The following SMARCC1 variants were observed in gnomAD, a reference collection of about 807,000 sequenced individuals.
The protein encoded by SMARCC1 is SWI/SNF complex subunit SMARCC1.
SMARCC1 carries 43 observed loss-of-function variants against 147.4 expected under a neutral mutation model. The ratio of observed to expected loss-of-function variants is 0.29; its 90% CI spans 0.23 to 0.38. SMARCC1 has a LOEUF of 0.38. SMARCC1 is among the 10% of genes least tolerant of loss of function. SMARCC1 has a pLI of 1.00. For missense variants in SMARCC1, 1,119 were observed against 1,381.1 expected, an observed-to-expected ratio of 0.81 and a Z score of 3.01; for synonymous variants, 495 against 484.4, an observed-to-expected ratio of 1.02 and a Z score of -0.29.
chr3:47,744,172 T>C (rs1309407742), intron 3 of SMARCC1, among the ~76,000 whole-genome samples: 1 of 152,124 alleles, frequency 6.6e-6, no homozygotes. Flanking sequence ...ATCTTTTTTT[T>C]TGGAGACAGC....
At chr3:47,593,235 G>A (rs1195333708) in intron 26 of SMARCC1, among the ~76,000 whole-genome samples, 2 of 150,518 alleles carry the variant, frequency 1.3e-5, no homozygotes, top group East Asian at 1.9e-4. Context: ...GCTGTGTCGC[G>A]ATCCTGGCTC....
intron 21 of SMARCC1, among the ~76,000 whole-genome samples, chr3:47,653,277 T>C (rs2033217541): frequency 6.6e-6 from 1 of 152,106 alleles, no homozygotes; most frequent in Non-Finnish European, 1.5e-5. Flanking sequence ...CATTTCACCA[T>C]ATACATCATA....
At chr3:47,628,793 T>C (rs1426844731) in intron 24 of SMARCC1, among the ~76,000 whole-genome samples, 2 of 152,200 alleles carry the variant, frequency 1.3e-5, no homozygotes, top group Non-Finnish European at 2.9e-5. Flanking sequence ...CTTGAACTCC[T>C]GACCTCCCTC....
At chr3:47,641,800 A>AAT (rs2033051015) in intron 21 of SMARCC1, among the ~76,000 whole-genome samples, 1 of 152,204 alleles carries the variant, frequency 6.6e-6, no homozygotes, top group Non-Finnish European at 1.5e-5. Context: ...TTTAAGAGAA[A>AAT]TGGTCTCTGT....
At chr3:47,626,169 C>A (rs1358840124) in intron 24 of SMARCC1, among the ~76,000 whole-genome samples, 1 of 150,264 alleles carries the variant, frequency 6.7e-6, no homozygotes, top group Non-Finnish European at 1.5e-5. Context: ...TTTTTTGAGA[C>A]AGAGTCTAGC....
At chr3:47,600,561 C>G (rs1034763479) in intron 26 of SMARCC1, among the ~76,000 whole-genome samples, 6 of 152,128 alleles carry the variant, frequency 3.9e-5, no homozygotes, top group Non-Finnish European at 7.4e-5. Context: ...TCACAATGAA[C>G]AAGAGACTGA....
chr3:47,605,264 A>T (rs2032452991), intron 26 of SMARCC1, among the ~76,000 whole-genome samples: 1 of 152,232 alleles, frequency 6.6e-6, no homozygotes, highest in African/African-American at 2.4e-5. Flanking sequence ...TACAACAGAA[A>T]TGTACATATA....
intron 10 of SMARCC1, chr3:47,701,710 A>C: frequency 3.4e-6 from 1 of 291,584 alleles, no homozygotes; most frequent in Non-Finnish European, 6.4e-6. Flanking sequence ...TCTGCTCAGC[A>C]GACTGAGGTA....
Position 47,641,889 on chromosome 3 carries a change from A to G in SMARCC1, c.2321-3109T>C, listed in dbSNP as rs539131189. 2.7e-3 allele frequency among the ~76,000 whole-genome samples: 414 copies of G among 152,312 alleles called. 1 individual carries two copies. The highest frequency in any genetic ancestry group is 3.7e-3 in the Non-Finnish European group (254 of 68,022). On this transcript the variant is annotated intron_variant, in intron 21 of 27. Coordinates refer to ENST00000254480, the MANE Select transcript of SMARCC1 (RefSeq NM_003074.4). ...TGGGCTCAACTGATCCACCCGCCTC[A>G]GCCTCTTGAGTAGCTGGGATTACAG...
rs577590836 is a variant in SMARCC1 at position 47,659,985 on chromosome 3, A to T, written c.2320+1309T>A. Among the ~76,000 whole-genome samples the T allele has an allele frequency of 3.3e-5, 5 of 152,324 alleles. No homozygotes were observed. The East Asian group carries it at 9.6e-4, about 29-fold the overall frequency. On this transcript the variant is annotated intron_variant, in intron 21 of 27. Coordinates refer to ENST00000254480, the MANE Select transcript of SMARCC1 (RefSeq NM_003074.4). ...GGTAAGAACATAAAATGGTATAGCC[A>T]CTATGAAAAACAGGCTGGCAGTTTC...
intron 1 of SMARCC1, among the ~76,000 whole-genome samples, chr3:47,776,491 C>T (rs1265705342): frequency 6.6e-6 from 1 of 152,088 alleles, no homozygotes; most frequent in African/African-American, 2.4e-5. Flanking sequence ...GTAATTCCAG[C>T]TACTCAGGAG....
chr3:47,657,418 C>T (rs1010894076), intron 21 of SMARCC1, among the ~76,000 whole-genome samples: 1 of 152,174 alleles, frequency 6.6e-6, no homozygotes, highest in African/African-American at 2.4e-5. Context: ...AGAAGAAAAT[C>T]TTTAAAGTTC....
chr3:47,658,480 T>C (rs562748011), intron 21 of SMARCC1, among the ~76,000 whole-genome samples: 11 of 152,382 alleles, frequency 7.2e-5, no homozygotes, highest in African/African-American at 2.2e-4. Context: ...TTTGTTTTTA[T>C]AGATTTCCCT....
At chr3:47,754,188 C>G (rs2034661303) in intron 2 of SMARCC1, among the ~76,000 whole-genome samples, 1 of 151,270 alleles carries the variant, frequency 6.6e-6, no homozygotes, top group Admixed American at 6.7e-5. Context: ...CTTGTCACAA[C>G]AAGCATATGA....
rs1273073125 is a variant in SMARCC1 at position 47,603,101 on chromosome 3, G to T, written c.3043+6965C>A. ...AATCTTCCTTTAAACATGTGCTGAA[G>T]TTCCTACAGTCCTGACCATCTCAAC... On this transcript the variant is annotated intron_variant, in intron 26 of 27. Coordinates refer to ENST00000254480, the MANE Select transcript of SMARCC1 (RefSeq NM_003074.4). Among the ~76,000 whole-genome samples, 6 of 152,168 alleles carry T rather than the reference G, an allele frequency of 3.9e-5. No homozygotes were observed. The East Asian group carries it at 1.2e-3, about 29-fold the overall frequency.
chr3:47,778,510 G>C (rs1273176143), intron 1 of SMARCC1, among the ~76,000 whole-genome samples: 1 of 151,950 alleles, frequency 6.6e-6, no homozygotes, highest in African/African-American at 2.4e-5. Flanking sequence ...TTGAGACAGG[G>C]TCTCATCATG....
intron 26 of SMARCC1, chr3:47,604,048 G>A (rs1307753892): frequency 1.1e-5 from 5 of 456,630 alleles, no homozygotes; most frequent in Non-Finnish European, 2.2e-5. Flanking sequence ...TAGGGGACAG[G>A]GCAGAGGGGC....
intron 26 of SMARCC1, among the ~76,000 whole-genome samples, chr3:47,591,275 C>T (rs1332939321): frequency 6.6e-6 from 1 of 152,070 alleles, no homozygotes. Flanking sequence ...AGATTGTGCT[C>T]CATGGCTTAC....
intron 26 of SMARCC1, among the ~76,000 whole-genome samples, chr3:47,595,226 T>A (rs1038970859): frequency 1.8e-4 from 28 of 152,030 alleles, no homozygotes; most frequent in Middle Eastern, 3.4e-3. Flanking sequence ...TTAAAAAAAA[T>A]TTTTTTTAAA....
Sources: allele counts gnomAD v4.1 joint callset (sites outside exome capture counted in the v4.1 genomes callset), GRCh38; gene constraint gnomAD v4.1.1; transcripts MANE v1.5; gene names NCBI Gene and HGNC (gene_info 2026-07-23, HGNC 2026-07-21).